Variants in TLCD3B observed in about 807,000 individuals in gnomAD.
The protein encoded by TLCD3B is TLC domain containing 3B.
In TLCD3B, 9 loss-of-function variants were observed where a neutral mutation model predicts 23.0. The observed-to-expected ratio is 0.39, with a 90% CI of 0.24 to 0.68. The LOEUF (loss-of-function observed/expected upper bound fraction) is 0.68, where lower values mean the gene tolerates loss of function less well. TLCD3B is among the 30% of genes least tolerant of loss of function. The pLI is 0.44. For synonymous variants in TLCD3B, 161 were observed against 161.0 expected, an observed-to-expected ratio of 1.00 and a Z score of 0.00; for missense variants, 307 against 371.8, an observed-to-expected ratio of 0.83 and a Z score of 1.43.
chr16:30,026,997 C>G, intron 2 of TLCD3B, 154 bp from the exon 3 acceptor site: 1 of 709,958 alleles, frequency 1.4e-6, no homozygotes, highest in Non-Finnish European at 2.5e-6. Context: ...GAAACTTGCC[C>G]AAGGTCACAC....
intron 3 of TLCD3B, among the ~76,000 whole-genome samples, chr16:30,040,033 C>G (rs1316173612): frequency 6.6e-6 from 1 of 150,522 alleles, no homozygotes; most frequent in Non-Finnish European, 1.5e-5. Context: ...ACTCAGGAGG[C>G]TGAGGCAGGA....
intron 2 of TLCD3B, among the ~76,000 whole-genome samples, chr16:30,044,269 A>T (rs1019736962): frequency 1.3e-5 from 2 of 149,418 alleles, no homozygotes; most frequent in African/African-American, 5.0e-5. Flanking sequence ...GAGTGCTGGG[A>T]TTACAGGCAT....
upstream of TLCD3B, chr16:30,036,236 G>A (rs1275730149): frequency 1.9e-5 from 25 of 1,288,956 alleles, no homozygotes; most frequent in Non-Finnish European, 2.5e-5. Context: ...GAAGGGAGGG[G>A]GTTGTCAAGA....
intron 1 of TLCD3B, among the ~76,000 whole-genome samples, chr16:30,050,990 G>T (rs2071740367): frequency 6.6e-6 from 1 of 152,120 alleles, no homozygotes; most frequent in Non-Finnish European, 1.5e-5. Flanking sequence ...GATCTAAAAA[G>T]GTTAGGAATG....
chr16:30,033,959 C>T (rs964780201), upstream of TLCD3B, among the ~76,000 whole-genome samples: 3 of 151,820 alleles, frequency 2.0e-5, no homozygotes, highest in African/African-American at 7.3e-5. Flanking sequence ...GAGTGAGATT[C>T]TATCTCAAAA....
At position 30,026,823 on chromosome 16, in the gene TLCD3B, T is replaced by A; in HGVS notation, c.230A>T (p.Tyr77Phe). 6.2e-7 allele frequency: 1 copy of A among 1,613,920 alleles called. No individual in the cohort carries two copies. Among genetic ancestry groups the A allele is most frequent in the East Asian group, 2.2e-5 (1 of 44,862 alleles). Residue 77 changes from tyrosine to phenylalanine, a missense_variant, in exon 3 of 5, where the codon TAC (tyrosine) becomes TTC (phenylalanine). Tyr to Phe is a conservative substitution (Grantham distance 22, BLOSUM62 3). Coordinates refer to ENST00000380495, the MANE Select transcript of TLCD3B (RefSeq NM_031478.6). ...GAAGTAGGGCACAGCAAATTGCGTG[T>A]AGGCAGAGGACAGCCAGTGTCTGTT... ...IDDQHWLSSA[Y>F]TQFAVPYFIY...
rs529556884 is a variant in TLCD3B, at chr16:30,048,917, C to G, written c.-293-2530G>C. ...TCCCAAGTAGCTTGGATTATAGGCA[C>G]CTGCCACCATGCCCAGCTAATTTTT... is the stretch of plus-strand genomic sequence containing the variant. On this transcript the variant is annotated intron_variant, in intron 1 of 6. Transcript: ENST00000561666. Among the ~76,000 whole-genome samples the G allele has an allele frequency of 2.0e-5, 3 of 152,186 alleles. 1 individual carries two copies. Among genetic ancestry groups the G allele is most frequent in the African/African-American group, 7.2e-5 (3 of 41,520 alleles).
chr16:30,028,808 T>C (rs575917752), intron 2 of TLCD3B, among the ~76,000 whole-genome samples: 170 of 152,128 alleles, frequency 1.1e-3, no homozygotes, highest in Non-Finnish European at 2.0e-3. Context: ...GTGGGTCACC[T>C]AGGGCGGCCG....
In TLCD3B at chr16:30,026,802, TAGGGC is replaced by T; in HGVS notation, c.246_250del (p.Pro83LeufsTer70). On this transcript the variant is annotated frameshift_variant, in exon 3 of 5. Coordinates refer to ENST00000380495, the MANE Select transcript of TLCD3B (RefSeq NM_031478.6). LOFTEE classifies it high-confidence loss of function. ...CATGGCGTAGATGTCGTAGATGAAGTAGGGCACAGCAAATTGCGTGTAGGCAGAGG... is the reference window on the plus strand; with the variant it reads ...CATGGCGTAGATGTCGTAGATGAAGTACAGCAAATTGCGTGTAGGCAGAGG... 2 of 1,613,958 alleles carry T rather than the reference TAGGGC, an allele frequency of 1.2e-6. No individual in the cohort carries two copies. Among genetic ancestry groups the T allele is most frequent in the Non-Finnish European group, 1.7e-6 (2 of 1,179,986 alleles).
rs550652482 is a variant in TLCD3B, at chr16:30,039,888, C to G, written c.-67+1107G>C. On this transcript the variant is annotated intron_variant, in intron 3 of 6. Transcript: ENST00000561666. Reference sequence around the variant, plus strand: ...GTGGCTCACGCCTGTGATCCCAGCACTTTGGGAGGCAGAAGGGGGTGGATC... The same window carrying G: ...GTGGCTCACGCCTGTGATCCCAGCAGTTTGGGAGGCAGAAGGGGGTGGATC... Among the ~76,000 whole-genome samples, 234 of 151,884 alleles carry G rather than the reference C, an allele frequency of 1.5e-3. 2 individuals carry two copies. The highest frequency in any genetic ancestry group is 2.2e-3 in the Non-Finnish European group (149 of 67,956).
chr16:30,035,541 A>AC (rs2071451810), upstream of TLCD3B: 2 of 1,270,192 alleles, frequency 1.6e-6, no homozygotes, highest in South Asian at 1.3e-5. Flanking sequence ...ACACCCTCAG[A>AC]CCCCCCAGCA....
At chr16:30,035,336 C>G (rs2071446931), upstream of TLCD3B, 1 of 1,289,464 alleles carries the variant, frequency 7.8e-7, no homozygotes, top group Non-Finnish European at 1.0e-6. Flanking sequence ...GACACCCTCA[C>G]CCTGGTCCTC....
upstream of TLCD3B, among the ~76,000 whole-genome samples, chr16:30,033,998 C>G (rs2071417984): frequency 6.6e-6 from 1 of 151,714 alleles, no homozygotes; most frequent in Non-Finnish European, 1.5e-5. Context: ...GACAGCCCAC[C>G]ACAATGACAT....
chr16:30,029,998 C>T lies in TLCD3B; in HGVS notation c.125+405G>A, dbSNP rs2071304747. The T allele has an allele frequency of 7.6e-7, 1 of 1,313,792 alleles. No homozygotes were observed. Among genetic ancestry groups the T allele is most frequent in the African/African-American group, 1.5e-5 (1 of 66,556 alleles). The allele number at this position is 1,313,792 out of a possible 1,614,324, so 81.4% of individuals were successfully genotyped here. A position where few individuals can be genotyped will look rare whatever the true frequency, so the allele number is the denominator to read the frequency against. ...ACCAGCCTCCACTCTGCACTCTGGC[C>T]CTGTTCTAGGGGTGTAGAGTTGTAC... On this transcript the variant is annotated intron_variant, in intron 1 of 4. Coordinates refer to ENST00000380495, the MANE Select transcript of TLCD3B (RefSeq NM_031478.6). The surrounding 1 kb of genome is among the most constrained non-coding windows in gnomAD (Gnocchi z 4.6).
chr16:30,040,147 AATATATATAT>A (rs1192651776), intron 3 of TLCD3B, among the ~76,000 whole-genome samples: 2 of 95,898 alleles, frequency 2.1e-5, no homozygotes, highest in African/African-American at 8.7e-5. Context: ...AAAAAAAAAA[AATATATATAT>A]ATATATATAT....
intron 2 of TLCD3B, among the ~76,000 whole-genome samples, chr16:30,028,628 G>C (rs559191324): frequency 6.6e-6 from 1 of 152,302 alleles, no homozygotes; most frequent in Admixed American, 6.5e-5. Context: ...CACCACAGAA[G>C]AGGCAACTCA....
chr16:30,027,169 G>T (rs143939300), intron 2 of TLCD3B: 1 of 485,708 alleles, frequency 2.1e-6, no homozygotes, highest in South Asian at 1.5e-5. Flanking sequence ...GCCCAGGACA[G>T]GCAGGTGGGA....
At chr16:30,028,606 G>A (rs1391279804) in intron 2 of TLCD3B, among the ~76,000 whole-genome samples, 1 of 152,156 alleles carries the variant, frequency 6.6e-6, no homozygotes, top group Non-Finnish European at 1.5e-5. Context: ...CTTCCAGGAA[G>A]GGCCGCTGCC....
chr16:30,025,201 G>GGCC lies in TLCD3B; in HGVS notation c.804_806dup (p.Ala269dup), dbSNP rs2071055898. 5.4e-6 allele frequency: 8 copies of GGCC among 1,482,854 alleles called. No individual in the cohort carries two copies. In the South Asian group the frequency reaches 6.9e-5, roughly 13 times the overall value. The allele number at this position is 1,482,854 out of a possible 1,614,324, so 91.9% of individuals were successfully genotyped here. ...CCCGGCCTCAGTCCTGGGCCTGGCA[G>GGCC]GCCGGGGGCGGCCGGGAGCGGGGCC... On this transcript the variant is annotated inframe_insertion, in exon 5 of 5. Transcript: ENST00000380495. This position sits in a 1 kb window ranked among gnomAD's most constrained non-coding sequence, Gnocchi z 4.1.
Sources: gnomAD v4.1 joint callset for allele counts (sites outside exome capture counted in the v4.1 genomes callset) on GRCh38, gnomAD v4.1.1 for gene constraint, Gnocchi (gnomAD v3.1) non-coding constraint, MANE v1.5 for transcripts, NCBI Gene and HGNC (gene_info 2026-07-23, HGNC 2026-07-21) for gene names.